The following DST variants were observed in gnomAD, a reference collection of about 807,000 sequenced individuals.
The protein encoded by DST is dystonin, also known as bullous pemphigoid antigen.
A neutral mutation model predicts 875.2 loss-of-function variants in DST; 253 were observed. That is an observed-to-expected ratio of 0.29 (90% CI 0.26 to 0.32). DST has a LOEUF of 0.32. Among genes scored for constraint, DST ranks in the 10% least tolerant of loss-of-function variants. DST has a pLI of 1.00. For missense variants in DST, 8,287 were observed against 9,111.6 expected (o/e 0.91, Z 3.68); for synonymous variants, 3,124 against 3,197.1 (o/e 0.98, Z 0.77).
At chr6:56,834,001 G>A (rs1037436343) in intron 4 of DST, among the ~76,000 whole-genome samples, 1 of 151,948 alleles carries the variant, frequency 6.6e-6, no homozygotes, top group Non-Finnish European at 1.5e-5. Context: ...GCCAAGGCAG[G>A]AGGATCACTA....
At position 56,555,652 on chromosome 6, in the gene DST, G is replaced by A. The variant is rs771236985; in HGVS notation, c.14829C>T (p.Asp4943=). The A allele has an allele frequency of 1.9e-6, 3 of 1,613,944 alleles. No homozygotes were observed. In the South Asian group the frequency reaches 3.3e-5, roughly 18 times the overall value. ...ACTGTGTGCTTTTAACAATGGCTTGGTCAATCCAGTCACATCTGTCACTCA... is the reference window on the plus strand; with the variant it reads ...ACTGTGTGCTTTTAACAATGGCTTGATCAATCCAGTCACATCTGTCACTCA... ...GQLSDRCDWI[D]QAIVKSTQYQ... is the part of the protein sequence containing the mutation. The change falls in exon 60 of 104, where the codon GAC becomes GAT. Residue 4943 remains aspartate (D), a synonymous_variant. Coordinates refer to ENST00000680361, the MANE Select transcript of DST (RefSeq NM_001374736.1).
At chr6:56,554,001 T>C (rs1312742359) in intron 60 of DST, among the ~76,000 whole-genome samples, 1 of 151,932 alleles carries the variant, frequency 6.6e-6, no homozygotes, top group African/African-American at 2.4e-5. Flanking sequence ...GGAGAAGTGA[T>C]GATGGCAAAG....
At chr6:56,809,820 A>C in intron 4 of DST, among the ~76,000 whole-genome samples, 1 of 152,210 alleles carries the variant, frequency 6.6e-6, no homozygotes, top group Middle Eastern at 3.4e-3. Flanking sequence ...TTTTAAATAA[A>C]CTTCTTTCTG....
At chr6:56,729,361 C>T (rs965277539) in intron 5 of DST, among the ~76,000 whole-genome samples, 15 of 152,154 alleles carry the variant, frequency 9.9e-5, no homozygotes, top group Non-Finnish European at 1.2e-4. Context: ...GAGGCTGAGG[C>T]GGGCAGACCA....
At chr6:56,577,749 A>C (rs1294955999) in intron 50 of DST, among the ~76,000 whole-genome samples, 1 of 152,214 alleles carries the variant, frequency 6.6e-6, no homozygotes, top group Non-Finnish European at 1.5e-5. Flanking sequence ...ACAGAAATAC[A>C]CAATAACATT....
At chr6:56,788,115 C>G (rs547682768) in intron 4 of DST, among the ~76,000 whole-genome samples, 2 of 87,184 alleles carry the variant, frequency 2.3e-5, no homozygotes, top group East Asian at 7.1e-4. Flanking sequence ...AGTGACAGAG[C>G]AAGACTCCGT....
At chr6:56,818,919 C>T (rs1200770521) in intron 4 of DST, among the ~76,000 whole-genome samples, 1 of 152,100 alleles carries the variant, frequency 6.6e-6, no homozygotes, top group Non-Finnish European at 1.5e-5. Context: ...TGATGAATAA[C>T]GCATGTATAC....
chr6:56,683,002 T>C (rs1197358822), intron 9 of DST, among the ~76,000 whole-genome samples: 1 of 152,248 alleles, frequency 6.6e-6, no homozygotes, highest in Admixed American at 6.5e-5. Context: ...ACTCAACTGT[T>C]AGTTTCTCAT....
intron 8 of DST, among the ~76,000 whole-genome samples, chr6:56,701,477 ATAAAG>A (rs1195699141): frequency 6.6e-6 from 1 of 151,720 alleles, no homozygotes; most frequent in African/African-American, 2.4e-5. Flanking sequence ...AAAGTATTAT[ATAAAG>A]TATTTTTATA....
In DST at chr6:56,474,005, G is replaced by C; in HGVS notation, c.21865-3C>G. 1 of 1,567,044 alleles carries C rather than the reference G, an allele frequency of 6.4e-7. No individual in the cohort carries two copies. Among genetic ancestry groups the C allele is most frequent in the African/African-American group, 1.3e-5 (1 of 74,214 alleles). ...CTGGTCATTTCCTCCATGAAGGTCT[G>C]AAATGAAAGAAATGATGTCAATCAA... On this transcript the variant is annotated splice_region_variant and splice_polypyrimidine_tract_variant and intron_variant, in intron 92 of 103. Coordinates refer to ENST00000680361, the MANE Select transcript of DST (RefSeq NM_001374736.1).
intron 5 of DST, among the ~76,000 whole-genome samples, chr6:56,730,063 C>T (rs72881026): frequency 6.6e-6 from 1 of 152,188 alleles, no homozygotes; most frequent in Non-Finnish European, 1.5e-5. Flanking sequence ...AATATTTAGA[C>T]CAAATATCCT....
chr6:56,903,924 C>T (rs760742109), intron 2 of DST, among the ~76,000 whole-genome samples: 4 of 152,212 alleles, frequency 2.6e-5, no homozygotes, highest in Non-Finnish European at 4.4e-5. Context: ...GTATACTACA[C>T]AGACTCTGCA....
rs539983183 is a variant in DST at position 56,590,113 on chromosome 6, A to G, written c.12903+2069T>C. 1.6e-4 allele frequency among the ~76,000 whole-genome samples: 25 copies of G among 152,392 alleles called. No homozygotes were observed. In the Middle Eastern group the frequency reaches 0.014, roughly 83 times the overall value. On this transcript the variant is annotated intron_variant, in intron 49 of 103. Coordinates refer to ENST00000680361, the MANE Select transcript of DST (RefSeq NM_001374736.1). ...TTATCAGCAACAACTTTAATTGTAC[A>G]TTTAATTTTTCAAATTACGCTATGA...
At chr6:56,637,551 A>G (rs1246203119) in intron 22 of DST, among the ~76,000 whole-genome samples, 2 of 152,146 alleles carry the variant, frequency 1.3e-5, no homozygotes, top group African/African-American at 4.8e-5. Flanking sequence ...GTGGAAAAGA[A>G]AATGTGTGTA....
intron 2 of DST, among the ~76,000 whole-genome samples, chr6:56,934,560 T>TTTTATATATATATATATA (rs869186436): frequency 0.016 from 1,732 of 106,386 alleles, 98 homozygotes; most frequent in Non-Finnish European, 0.024. Flanking sequence ...ATATATTATA[T>TTTTATATATATATATATA]TATATATATA....
intron 61 of DST, among the ~76,000 whole-genome samples, chr6:56,547,560 A>G (rs779916578): frequency 3.3e-5 from 5 of 152,204 alleles, no homozygotes; most frequent in African/African-American, 4.8e-5. Context: ...AGTTTTATCT[A>G]ATTTCCCCAT....
At chr6:56,854,057 A>C (rs1175325436) in intron 3 of DST, among the ~76,000 whole-genome samples, 1 of 152,202 alleles carries the variant, frequency 6.6e-6, no homozygotes, top group African/African-American at 2.4e-5. Context: ...ACTTTTTAAA[A>C]ATATAAGGTA....
rs770086163 is a variant in DST, at chr6:56,607,704, T to A, written c.6924A>T (p.Arg2308Ser). The A allele has an allele frequency of 2.4e-5, 38 of 1,613,350 alleles. No individual in the cohort carries two copies. The highest frequency in any genetic ancestry group is 3.1e-5 in the Non-Finnish European group (37 of 1,179,650). The change falls in exon 40 of 104, where the codon AGA becomes AGT. Residue 2308 changes from arginine (R) to serine (S), a missense_variant. By Grantham distance (110) the Arg-to-Ser change is moderately radical (BLOSUM62 -1). Around this residue, in one of 10 missense-constraint regions of DST, gnomAD observed 3,138 missense variants for 3,116.6 expected, o/e 1.01. Transcript: ENST00000680361. The part of the protein sequence containing the change: ...CAIDEEFNEM[R>S]NTVINSEFSQ... ...AAAATTCACTATTGATAACAGTATT[T>A]CTCATTTCATTAAATTCTTCATCTA...
In DST at chr6:56,604,881, A is replaced by C; in HGVS notation, c.9747T>G (p.Ser3249Arg). The C allele has an allele frequency of 6.2e-7, 1 of 1,612,586 alleles. No homozygotes were observed. The change falls in exon 40 of 104, where the codon AGT (serine) becomes AGG (arginine). Residue 3249 changes from serine (S) to arginine (R), a missense_variant. Coordinates refer to ENST00000680361, the MANE Select transcript of DST (RefSeq NM_001374736.1). ...NDMIQSNDLC[S>R]KESISGGGTE... ...TTCCTCCTCCTGAGATGCTTTCTTT[A>C]CTACAAAGATCATTGCTTTGGATCA...
Sources: gnomAD v4.1 joint callset for allele counts (sites outside exome capture counted in the v4.1 genomes callset) on GRCh38, gnomAD v4.1.1 for gene constraint, gnomAD v4.1.1 regional missense constraint, MANE v1.5 for transcripts, NCBI Gene and HGNC (gene_info 2026-07-23, HGNC 2026-07-21) for gene names.